FARS2: variants seen among roughly 807,000 people sequenced by gnomAD.
The protein encoded by FARS2 is phenylalanyl-tRNA synthetase 2, mitochondrial, also known as phenylalanine--tRNA ligase, mitochondrial.
In FARS2, 40 loss-of-function variants were observed where a neutral mutation model predicts 46.4. That is an observed-to-expected ratio of 0.86 (90% CI 0.67 to 1.12). FARS2 has a LOEUF of 1.12. Among genes scored for constraint, FARS2 ranks in the 50% most tolerant of loss-of-function variants. The probability of loss-of-function intolerance (pLI) is 0.00; values close to 1 mark genes in which losing one functional copy is unlikely to be tolerated. For synonymous variants in FARS2, 234 were observed against 214.9 expected, an observed-to-expected ratio of 1.09 and a Z score of -0.78; for missense variants, 513 against 567.9, an observed-to-expected ratio of 0.90 and a Z score of 0.98.
intron 6 of FARS2, among the ~76,000 whole-genome samples, chr6:5,617,862 A>G (rs1358804901): frequency 2.0e-5 from 3 of 152,202 alleles, no homozygotes; most frequent in African/African-American, 4.8e-5. Context: ...TTTAGATCTC[A>G]TTATTGACAG....
chr6:5,693,052 A>T (rs1757862431), intron 6 of FARS2, among the ~76,000 whole-genome samples: 1 of 152,206 alleles, frequency 6.6e-6, no homozygotes, highest in Admixed American at 6.5e-5. Context: ...TTTGTATTTC[A>T]TCTGTTTTGC....
chr6:5,672,880 G>A (rs1280911876), intron 6 of FARS2, among the ~76,000 whole-genome samples: 1 of 152,150 alleles, frequency 6.6e-6, no homozygotes, highest in Non-Finnish European at 1.5e-5. Flanking sequence ...ACGCCTTTGA[G>A]TGGTGAGAGT....
chr6:5,660,233 G>T lies in FARS2; in HGVS notation c.1217+46913G>T, dbSNP rs186862557. On this transcript the variant is annotated intron_variant, in intron 6 of 6. Transcript: ENST00000274680. ...ACTGTGGAAAGCAAAGGCAGACGTG[G>T]CTGATGTTCTCAAAGAGCAATAGTC... Among the ~76,000 whole-genome samples the T allele has an allele frequency of 7.2e-5, 11 of 152,304 alleles. No individual in the cohort carries two copies. In the East Asian group the frequency reaches 1.9e-3, roughly 27 times the overall value.
intron 1 of FARS2, among the ~76,000 whole-genome samples, chr6:5,314,696 C>T (rs1769324336): frequency 1.3e-5 from 2 of 152,162 alleles, no homozygotes; most frequent in African/African-American, 2.4e-5. Context: ...GGGAATTCTC[C>T]TCACACTTGT....
intron 6 of FARS2, among the ~76,000 whole-genome samples, chr6:5,631,708 T>C (rs1776301617): frequency 6.6e-6 from 1 of 152,204 alleles, no homozygotes; most frequent in African/African-American, 2.4e-5. Flanking sequence ...CCCTGTACCA[T>C]GTGACCCGCT....
intron 6 of FARS2, among the ~76,000 whole-genome samples, chr6:5,614,023 C>T (rs1042044003): frequency 2.6e-5 from 4 of 151,760 alleles, no homozygotes; most frequent in African/African-American, 7.3e-5. Flanking sequence ...AGAAGGCAGC[C>T]AAGAACACGG....
intron 1 of FARS2, among the ~76,000 whole-genome samples, chr6:5,344,237 C>T (rs1056834950): frequency 6.6e-6 from 1 of 152,110 alleles, no homozygotes; most frequent in Non-Finnish European, 1.5e-5. Flanking sequence ...CACCTGTGGG[C>T]GTATCTGCTT....
chr6:5,320,920 G>A (rs1769924514), intron 1 of FARS2, among the ~76,000 whole-genome samples: 1 of 152,094 alleles, frequency 6.6e-6, no homozygotes, highest in African/African-American at 2.4e-5. Context: ...TAACTCCCTG[G>A]GTCCTCTGTT....
At chr6:5,733,062 T>C (rs1279942547) in intron 6 of FARS2, among the ~76,000 whole-genome samples, 1 of 152,160 alleles carries the variant, frequency 6.6e-6, no homozygotes, top group Non-Finnish European at 1.5e-5. Context: ...GATTCCCTTT[T>C]CCCAGAAAGA....
intron 2 of FARS2, among the ~76,000 whole-genome samples, chr6:5,401,310 G>A (rs1424569402): frequency 2.6e-5 from 4 of 151,880 alleles, no homozygotes; most frequent in Admixed American, 2.6e-4. Context: ...TTATATTTTT[G>A]TTTTAATGGT....
At chr6:5,405,477 G>GTTTTTTTTTTTTT (rs1554181324) in intron 3 of FARS2, among the ~76,000 whole-genome samples, 28 of 93,132 alleles carry the variant, frequency 3.0e-4, no homozygotes, top group Non-Finnish European at 4.6e-4. Flanking sequence ...GTGGAGCAAG[G>GTTTTTTTTTTTTT]TTCTTTTTTT....
At chr6:5,408,778 C>T (rs1418988414) in intron 3 of FARS2, among the ~76,000 whole-genome samples, 1 of 152,130 alleles carries the variant, frequency 6.6e-6, no homozygotes, top group Admixed American at 6.5e-5. Context: ...GTAATACGAT[C>T]AAAGAGCAAC....
intron 1 of FARS2, among the ~76,000 whole-genome samples, chr6:5,319,550 G>C (rs1324337090): frequency 1.3e-5 from 2 of 152,204 alleles, no homozygotes; most frequent in Non-Finnish European, 2.9e-5. Flanking sequence ...TCAAGGGTGA[G>C]ACAGTGCTGA....
rs559326079 is a variant in FARS2 at position 5,336,105 on chromosome 6, G to T, written c.-21-32445G>T. The stretch of plus-strand genomic sequence containing the variant: ...AGACTTAATAGGAAAATTTGCAGAG[G>T]TATAAATCTAGTGGAACCATTAATT... On this transcript the variant is annotated intron_variant, in intron 1 of 6. Transcript: ENST00000274680. 1.1e-4 allele frequency among the ~76,000 whole-genome samples: 16 copies of T among 152,150 alleles called. No homozygotes were observed. In the South Asian group the frequency reaches 3.1e-3, roughly 30 times the overall value.
chr6:5,516,970 G>A (rs1209121875), intron 4 of FARS2, among the ~76,000 whole-genome samples: 2 of 152,126 alleles, frequency 1.3e-5, no homozygotes, highest in Non-Finnish European at 2.9e-5. Flanking sequence ...GTAGGATGTT[G>A]TTCTGGAGAA....
chr6:5,440,135 A>G (rs1763756637), intron 4 of FARS2, among the ~76,000 whole-genome samples: 1 of 152,226 alleles, frequency 6.6e-6, no homozygotes, highest in Non-Finnish European at 1.5e-5. Flanking sequence ...TATAAAAATG[A>G]AAATGAAAGT....
Position 5,545,900 on chromosome 6 carries a change from G to T in FARS2, c.1065+560G>T, listed in dbSNP as rs189812392. Among the ~76,000 whole-genome samples, 65 of 152,238 alleles carry T rather than the reference G, an allele frequency of 4.3e-4. No individual in the cohort carries two copies. In the East Asian group the frequency reaches 0.012, roughly 29 times the overall value. ...CTCAGCACTTTGGGAGGCCAAGACG[G>T]GTGGATCACCTGAGGTCAAGAGTTC... On this transcript the variant is annotated intron_variant, in intron 5 of 6. Coordinates refer to ENST00000274680, the MANE Select transcript of FARS2 (RefSeq NM_006567.5).
intron 4 of FARS2, among the ~76,000 whole-genome samples, chr6:5,511,118 G>T (rs1377221292): frequency 6.6e-6 from 1 of 152,132 alleles, no homozygotes; most frequent in South Asian, 2.1e-4. Flanking sequence ...CCCCAGATTG[G>T]TCCAACGTTT....
intron 6 of FARS2, among the ~76,000 whole-genome samples, chr6:5,700,230 G>T (rs1048677884): frequency 6.6e-6 from 1 of 152,088 alleles, no homozygotes; most frequent in Non-Finnish European, 1.5e-5. Flanking sequence ...AAAATGTAAG[G>T]CTTGATTCAT....
Sources: gnomAD v4.1 joint callset for allele counts (sites outside exome capture counted in the v4.1 genomes callset) on GRCh38, gnomAD v4.1.1 for gene constraint, MANE v1.5 for transcripts, NCBI Gene and HGNC (gene_info 2026-07-23, HGNC 2026-07-21) for gene names.